Variants in NOC2L observed in about 807,000 individuals in gnomAD.
NOC2L encodes the protein nucleolar complex protein 2 homolog.
Under a neutral mutation model 94.2 loss-of-function variants are expected in NOC2L, and 101 were observed. The ratio of observed to expected loss-of-function variants is 1.07; its 90% confidence interval spans 0.91 to 1.26. The LOEUF (loss-of-function observed/expected upper bound fraction) is 1.26, where lower values mean the gene tolerates loss of function less well. Among genes scored for constraint, NOC2L ranks in the 50% most tolerant of loss-of-function variants. NOC2L has a pLI of 0.00. For synonymous variants in NOC2L, 531 were observed against 413.4 expected, an observed-to-expected ratio of 1.28 and a Z score of -3.45; for missense variants, 1,076 against 980.1, an observed-to-expected ratio of 1.10 and a Z score of -1.31.
chr1:958,951 G>A lies in NOC2L; in HGVS notation c.157C>T (p.Pro53Ser), dbSNP rs1376607530. ...AREAARSPDK[P>S]GGSPSASRRK... ...AACCTGGCCGAGGGGCTCCCGCCCG[G>A]CTTATCCGGACTCCGGGCAGCCTCG... The change falls in exon 2 of 19, where the codon CCG (proline) becomes TCG (serine). Residue 53 changes from proline (P) to serine (S), a missense_variant. Pro to Ser is a moderately conservative substitution (Grantham distance 74, BLOSUM62 -1). Transcript: ENST00000327044. The A allele has an allele frequency of 6.2e-7, 1 of 1,612,628 alleles. No individual in the cohort carries two copies. The highest frequency in any genetic ancestry group is 1.3e-5 in the African/African-American group (1 of 74,940).
Position 944,707 on chromosome 1 carries a change from G to A in NOC2L, c.2237C>T (p.Ser746Leu). The stretch of plus-strand genomic sequence containing the variant: ...AGATGGGCTGCCTCAGTCGTCCTCT[G>A]AGAGCTGCAGATCCTCCAGCTCGTC... ...PEDELEDLQL[S>L]EDD The change falls in exon 19 of 19, where the codon TCA becomes TTA. Residue 746 changes from serine (S) to leucine (L), a missense_variant. Transcript: ENST00000327044. 6.3e-7 allele frequency: 1 copy of A among 1,597,360 alleles called. No individual in the cohort carries two copies. The highest frequency in any genetic ancestry group is 1.7e-5 in the Admixed American group (1 of 59,780).
At chr1:951,913 C>G in intron 11 of NOC2L, 87 bp downstream of exon 11, 1 of 1,480,464 alleles carries the variant, frequency 6.8e-7, no homozygotes, top group South Asian at 1.3e-5. Flanking sequence ...CCCCAAGGCC[C>G]TGAACGCCAG....
chr1:954,821 C>T (rs1399157465), intron 6 of NOC2L, among the ~76,000 whole-genome samples: 2 of 150,970 alleles, frequency 1.3e-5, no homozygotes, highest in Non-Finnish European at 3.0e-5. Context: ...GATCCTATCT[C>T]GTAAGGAAAA....
In NOC2L at chr1:944,700, G is replaced by T; in HGVS notation, c.2244C>A (p.Asp748Glu). ...DELEDLQLSEDD is the reference protein window; with the variant it reads ...DELEDLQLSEED ...GCCCCCCAGATGGGCTGCCTCAGTC[G>T]TCCTCTGAGAGCTGCAGATCCTCCA... The change falls in exon 19 of 19, where the codon GAC becomes GAA. Residue 748 changes from aspartate to glutamate, a missense_variant. Asp to Glu is a conservative substitution (Grantham distance 45, BLOSUM62 2). Transcript: ENST00000327044. 6.3e-7 allele frequency: 1 copy of T among 1,594,354 alleles called. No homozygotes were observed. The highest frequency in any genetic ancestry group is 8.5e-7 in the Non-Finnish European group (1 of 1,175,168).
In NOC2L at chr1:946,291, G is replaced by T. The variant is rs1440719822; in HGVS notation, c.1804-5C>A. 1.2e-6 allele frequency: 2 copies of T among 1,613,060 alleles called. No individual in the cohort carries two copies. The highest frequency in any genetic ancestry group is 2.2e-5 in the South Asian group (2 of 91,050). Reference sequence around the variant, plus strand: ...GGTCAGCTTCTCCCAGGCTTCCTGGGGGGTTGGGGGAGTTCAGGGTCATGC... The same window carrying T: ...GGTCAGCTTCTCCCAGGCTTCCTGGTGGGTTGGGGGAGTTCAGGGTCATGC... On this transcript the variant is annotated splice_region_variant and splice_polypyrimidine_tract_variant and intron_variant, in intron 15 of 18. Transcript: ENST00000327044.
rs569255254 is a variant in NOC2L, at chr1:953,355, C to G, written c.889-67G>C. 696 of 901,840 alleles carry G rather than the reference C, an allele frequency of 7.7e-4. 1 individual carries two copies. Among genetic ancestry groups the G allele is most frequent in the Non-Finnish European group, 1.2e-3 (648 of 557,510 alleles). 55.9% of individuals were successfully genotyped at this position (901,840 alleles called of 1,614,324 possible). A position where few individuals can be genotyped will look rare whatever the true frequency, so the allele number is the denominator to read the frequency against. On this transcript the variant is annotated intron_variant, in intron 8 of 18. Coordinates refer to ENST00000327044, the MANE Select transcript of NOC2L (RefSeq NM_015658.4). The stretch of plus-strand genomic sequence containing the variant: ...CAGCAGGGATGCCCCAGGGCCAGCA[C>G]AGCCCTCCCCAGCCAGGCAAAGGCT...
chr1:945,100 T>G lies in NOC2L; in HGVS notation c.2100A>C (p.Glu700Asp), dbSNP rs748044298. 1 of 1,613,616 alleles carries G rather than the reference T, an allele frequency of 6.2e-7. No individual in the cohort carries two copies. Among genetic ancestry groups the G allele is most frequent in the African/African-American group, 1.3e-5 (1 of 74,924 alleles). The part of the protein sequence containing the change: ...LSTRHGVEDD[E>D]EDEEEGEEDS... ...CCTCCTCGCCCTCCTCCTCGTCCTC[T>G]TCATCGTCTTCCACCCCATGCCGAG... is the stretch of plus-strand genomic sequence containing the variant. The change falls in exon 18 of 19, where the codon GAA (glutamate) becomes GAC (aspartate). Residue 700 changes from glutamate to aspartate, a missense_variant. Coordinates refer to ENST00000327044, the MANE Select transcript of NOC2L (RefSeq NM_015658.4).
chr1:945,573 G>T lies in NOC2L; in HGVS notation c.1998C>A (p.Asp666Glu). The change falls in exon 17 of 19, where the codon GAC (aspartate) becomes GAA (glutamate). Residue 666 changes from aspartate to glutamate, a missense_variant. Coordinates refer to ENST00000327044, the MANE Select transcript of NOC2L (RefSeq NM_015658.4). ...RKDEDRKQFK[D>E]LFDLNSSEED... ...CTTCAGAGCTGTTCAGGTCAAAGAG[G>T]TCTTTAAATTGCTTCCTGTCCTCAT... 1.2e-6 allele frequency: 2 copies of T among 1,614,124 alleles called. No individual in the cohort carries two copies. Among genetic ancestry groups the T allele is most frequent in the Non-Finnish European group, 1.7e-6 (2 of 1,179,986 alleles).
chr1:954,619 G>A (rs1319519240), intron 6 of NOC2L: 1 of 152,694 alleles, frequency 6.5e-6, no homozygotes, highest in East Asian at 1.9e-4. Flanking sequence ...CAAACTCCAA[G>A]CCCAGGAGTT....
At chr1:952,182 G>T (rs1378180750) in intron 10 of NOC2L, 43 bp from the exon 11 acceptor site, 2 of 1,609,058 alleles carry the variant, frequency 1.2e-6, no homozygotes, top group Non-Finnish European at 1.7e-6. Context: ...AGGCTGACAA[G>T]TCAGGCTGAT....
intron 16 of NOC2L, 97 bp downstream of exon 16, chr1:946,074 ACT>A: frequency 5.5e-6 from 5 of 917,238 alleles, no homozygotes; most frequent in Non-Finnish European, 8.5e-6. Context: ...GCCGCCTGGC[ACT>A]GTTTCCAAAC....
intron 16 of NOC2L, among the ~76,000 whole-genome samples, 176 bp downstream of exon 16, chr1:945,997 G>C (rs74360597): frequency 2.6e-5 from 4 of 152,172 alleles, no homozygotes; most frequent in Non-Finnish European, 5.9e-5. Flanking sequence ...CCCTGGAAAC[G>C]CCTGGTTCTG....
intron 2 of NOC2L, 21 bp downstream of exon 2, chr1:958,908 C>G: frequency 6.2e-7 from 1 of 1,612,584 alleles, no homozygotes; most frequent in Non-Finnish European, 8.5e-7. Context: ...AGAGGTTCTG[C>G]TCACGCATGT....
chr1:950,131 CATGCACACAG>C (rs1377503013), intron 12 of NOC2L, among the ~76,000 whole-genome samples: 2 of 152,164 alleles, frequency 1.3e-5, no homozygotes, highest in Non-Finnish European at 2.9e-5. Flanking sequence ...GACGCACGTA[CATGCACACAG>C]GTGCACACAC....
chr1:952,008 G>C lies in NOC2L; in HGVS notation c.1323C>G (p.Gly441=). 1 of 1,612,450 alleles carries C rather than the reference G, an allele frequency of 6.2e-7. No individual in the cohort carries two copies. Among genetic ancestry groups the C allele is most frequent in the South Asian group, 1.1e-5 (1 of 90,990 alleles). ...LVYPLAQVII[G]CIKLIPTARF... is the part of the protein sequence containing the mutation. Reference sequence around the variant, plus strand: ...CCCACCCCACAACTCACTTGATACAGCCAATGATGACTTGGGCAAGGGGGT... The same window carrying C: ...CCCACCCCACAACTCACTTGATACACCCAATGATGACTTGGGCAAGGGGGT... The change falls in exon 11 of 19, where the codon GGC becomes GGG. Residue 441 remains glycine (G), a synonymous_variant. Coordinates refer to ENST00000327044, the MANE Select transcript of NOC2L (RefSeq NM_015658.4).
In NOC2L at chr1:946,416, C is replaced by T. The variant is rs1271708638; in HGVS notation, c.1789G>A (p.Glu597Lys). The T allele has an allele frequency of 1.7e-5, 27 of 1,613,570 alleles. No individual in the cohort carries two copies. The highest frequency in any genetic ancestry group is 2.2e-5 in the Non-Finnish European group (26 of 1,180,016). The change falls in exon 15 of 19, where the codon GAG becomes AAG. Residue 597 changes from glutamate to lysine, a missense_variant. This residue lies in a region of NOC2L where 615 missense variants were observed against 577.4 expected (regional missense o/e 1.07). Coordinates refer to ENST00000327044, the MANE Select transcript of NOC2L (RefSeq NM_015658.4). ...GGCCCACTAACCACTGCCTGCTGCT[C>T]AGAGACGCCGAAGGAAACCCTCTGG... ...RRQRVSFGVS[E>K]QQAVEAWEKL...
chr1:958,804 A>T (rs2100401450), intron 2 of NOC2L, 125 bp downstream of exon 2: 1 of 944,202 alleles, frequency 1.1e-6, no homozygotes, highest in African/African-American at 1.6e-5. Flanking sequence ...GTTAAGCTGA[A>T]AGGACTGGGG....
In NOC2L at chr1:945,144, T is replaced by C; in HGVS notation, c.2056A>G (p.Ile686Val). ...TGCCGAGTGCTCAGGGGCCTCAGTA[T>C]CCCTGAGGAACAAGAAGCAGAGTCC... ...DDTEGFSERG[I>V]LRPLSTRHGV... The change falls in exon 18 of 19, where the codon ATA becomes GTA. Residue 686 changes from isoleucine to valine, a missense_variant and splice_region_variant. By Grantham distance (29) the Ile-to-Val change is conservative (BLOSUM62 3). Around this residue, in one of 3 missense-constraint regions of NOC2L, gnomAD observed 615 missense variants for 577.4 expected, o/e 1.07. Transcript: ENST00000327044. The C allele has an allele frequency of 6.2e-7, 1 of 1,603,444 alleles. No individual in the cohort carries two copies. The highest frequency in any genetic ancestry group is 8.5e-7 in the Non-Finnish European group (1 of 1,174,728).
chr1:952,237 C>T, intron 10 of NOC2L, 98 bp from the exon 11 acceptor site: 2 of 1,468,894 alleles, frequency 1.4e-6, no homozygotes, highest in East Asian at 2.3e-5. Flanking sequence ...CCTCATCTTG[C>T]ACACGGGGTC....
Sources: allele counts gnomAD v4.1 joint callset (sites outside exome capture counted in the v4.1 genomes callset), GRCh38; gene constraint gnomAD v4.1.1; regional missense constraint gnomAD v4.1.1; transcripts MANE v1.5; gene names NCBI Gene and HGNC (gene_info 2026-07-23, HGNC 2026-07-21).